The following DNAL4 variants were observed in gnomAD, a reference collection of about 807,000 sequenced individuals.
The protein encoded by DNAL4 is dynein axonemal light chain 4, also known as dynein light chain, outer arm 4.
A neutral mutation model predicts 12.6 loss-of-function variants in DNAL4; 10 were observed. That is an observed-to-expected ratio of 0.79 (90% CI 0.49 to 1.34). The LOEUF is 1.34. DNAL4 is among the 40% of genes most tolerant of loss of function. DNAL4 has a pLI of 0.00. For synonymous variants in DNAL4, 46 were observed against 53.1 expected, an observed-to-expected ratio of 0.87 and a Z score of 0.58; for missense variants, 128 against 138.1, an observed-to-expected ratio of 0.93 and a Z score of 0.37.
intron 1 of DNAL4, among the ~76,000 whole-genome samples, chr22:38,786,212 C>T (rs547728579): frequency 6.6e-6 from 1 of 152,230 alleles, no homozygotes; most frequent in Non-Finnish European, 1.5e-5. Flanking sequence ...GAAGCATGTG[C>T]CTGAACTCTT....
In DNAL4 at chr22:38,782,719, C is replaced by T. The variant is rs762933968; in HGVS notation, c.13G>A (p.Glu5Lys). MGETEGKKDEADYKR... is the reference protein window; with the variant it reads MGETKGKKDEADYKR... Reference sequence around the variant, plus strand: ...TAATCAGCCTCATCTTTCTTCCCTTCTGTTTCTCCCATGATCCTTCCACTG... The same window carrying T: ...TAATCAGCCTCATCTTTCTTCCCTTTTGTTTCTCCCATGATCCTTCCACTG... The change falls in exon 2 of 4, where the codon GAA (glutamate) becomes AAA (lysine). Residue 5 changes from glutamate (E) to lysine (K), a missense_variant. Physicochemically the swap from Glu to Lys is moderately conservative, Grantham distance 56. Coordinates refer to ENST00000216068, the MANE Select transcript of DNAL4 (RefSeq NM_005740.3). The surrounding 1 kb of genome is among the most constrained non-coding windows in gnomAD (Gnocchi z 5.1). The T allele has an allele frequency of 6.2e-7, 1 of 1,613,032 alleles. No individual in the cohort carries two copies. Among genetic ancestry groups the T allele is most frequent in the East Asian group, 2.2e-5 (1 of 44,764 alleles).
intron 2 of DNAL4, among the ~76,000 whole-genome samples, chr22:38,781,654 C>T (rs2093034605): frequency 6.6e-6 from 1 of 152,204 alleles, no homozygotes; most frequent in Non-Finnish European, 1.5e-5. Context: ...TAACTTGATT[C>T]CCACAAACCC....
At chr22:38,781,312 G>A (rs1482977852) in intron 2 of DNAL4, among the ~76,000 whole-genome samples, 1 of 152,274 alleles carries the variant, frequency 6.6e-6, no homozygotes, top group Non-Finnish European at 1.5e-5. Flanking sequence ...GGCTATGGAA[G>A]TGTGTTCCGA....
intron 1 of DNAL4, among the ~76,000 whole-genome samples, chr22:38,783,699 A>G (rs1331774949): frequency 6.6e-6 from 1 of 152,202 alleles, no homozygotes; most frequent in Non-Finnish European, 1.5e-5. Flanking sequence ...AGTCACCAGC[A>G]GTATGGCCCT....
At chr22:38,787,065 C>T (rs953991057) in intron 1 of DNAL4, among the ~76,000 whole-genome samples, 4 of 151,978 alleles carry the variant, frequency 2.6e-5, no homozygotes, top group Admixed American at 6.5e-5. Context: ...GATCACGGCT[C>T]GCCTCCCTGT....
chr22:38,792,343 C>G (rs773057072), intron 1 of DNAL4, among the ~76,000 whole-genome samples: 1 of 150,884 alleles, frequency 6.6e-6, no homozygotes, highest in African/African-American at 2.4e-5. Context: ...AGCGCAATGG[C>G]GCTATCTCGG....
intron 1 of DNAL4, among the ~76,000 whole-genome samples, chr22:38,793,166 T>C (rs923584814): frequency 9.8e-5 from 15 of 152,334 alleles, no homozygotes; most frequent in African/African-American, 3.4e-4. Context: ...TCAATCTCCA[T>C]CTGTCCCCTC....
chr22:38,785,854 G>A (rs1355057965), intron 1 of DNAL4: 2 of 152,218 alleles, frequency 1.3e-5, no homozygotes, highest in East Asian at 1.9e-4. Flanking sequence ...GATTTGAAAC[G>A]TTAAAGCTCT....
In DNAL4 at chr22:38,782,749, C is replaced by A; in HGVS notation, c.-18G>T. On this transcript the variant is annotated 5_prime_UTR_variant, in exon 2 of 4. Transcript: ENST00000216068. This position sits in a 1 kb window ranked among gnomAD's most constrained non-coding sequence, Gnocchi z 5.1. The stretch of plus-strand genomic sequence containing the variant: ...TCTCCCATGATCCTTCCACTGTGAC[C>A]ACTGGAGGAGAGTGGGGCTTTCAGG... The A allele has an allele frequency of 6.2e-7, 1 of 1,607,108 alleles. No individual in the cohort carries two copies. The highest frequency in any genetic ancestry group is 1.7e-4 in the Middle Eastern group (1 of 6,040).
intron 1 of DNAL4, among the ~76,000 whole-genome samples, chr22:38,791,688 A>G (rs957977679): frequency 1.1e-4 from 15 of 139,696 alleles, no homozygotes; most frequent in African/African-American, 3.8e-4. Flanking sequence ...CACTGCGCCC[A>G]GCCTATTTAT....
chr22:38,783,853 C>G (rs1039653947), intron 1 of DNAL4, among the ~76,000 whole-genome samples: 5 of 152,168 alleles, frequency 3.3e-5, no homozygotes, highest in Admixed American at 6.5e-5. Context: ...GTTCCCTAAC[C>G]GACGGGGCTT....
At chr22:38,780,647 G>A in intron 3 of DNAL4, 1 of 444,754 alleles carries the variant, frequency 2.2e-6, no homozygotes, top group Non-Finnish European at 4.1e-6. Context: ...ACGGGGAAAG[G>A]CACCCTATTC....
chr22:38,785,141 C>G (rs1347056168), intron 1 of DNAL4, among the ~76,000 whole-genome samples: 8 of 152,168 alleles, frequency 5.3e-5, no homozygotes, highest in Admixed American at 3.9e-4. Context: ...ATTGTACTTT[C>G]TGGTCAGGTT....
chr22:38,790,889 C>T (rs899701538), intron 1 of DNAL4, among the ~76,000 whole-genome samples: 5 of 152,084 alleles, frequency 3.3e-5, no homozygotes, highest in South Asian at 2.1e-4. Context: ...TACAGTTGGC[C>T]GGGTGCGGTG....
At chr22:38,784,981 C>G (rs920078336) in intron 1 of DNAL4, among the ~76,000 whole-genome samples, 6 of 150,382 alleles carry the variant, frequency 4.0e-5, no homozygotes, top group Admixed American at 1.3e-4. Context: ...ACAGACCCCC[C>G]CCCCCATCCA....
chr22:38,791,159 T>A (rs2093049987), intron 1 of DNAL4, among the ~76,000 whole-genome samples: 1 of 147,468 alleles, frequency 6.8e-6, no homozygotes, highest in Non-Finnish European at 1.5e-5. Context: ...AGAGCGAGTC[T>A]CCACCTCTAG....
At chr22:38,789,980 T>C (rs1456807110) in intron 1 of DNAL4, among the ~76,000 whole-genome samples, 2 of 152,284 alleles carry the variant, frequency 1.3e-5, no homozygotes, top group East Asian at 3.9e-4. Context: ...GGAAAAAGAC[T>C]GGGGTTGGGC....
intron 1 of DNAL4, among the ~76,000 whole-genome samples, chr22:38,792,867 A>G (rs550182050): frequency 1.3e-5 from 2 of 152,210 alleles, no homozygotes; most frequent in East Asian, 1.9e-4. Context: ...AATAACAATA[A>G]AAGTGTAGGA....
intron 3 of DNAL4, 178 bp downstream of exon 3, chr22:38,780,748 C>A: frequency 1.6e-6 from 1 of 623,776 alleles, no homozygotes; most frequent in Non-Finnish European, 2.8e-6. Flanking sequence ...ACCGTCAGTG[C>A]CTGGAGTCAG....
Sources: gnomAD v4.1 joint callset for allele counts (sites outside exome capture counted in the v4.1 genomes callset) on GRCh38, gnomAD v4.1.1 for gene constraint, Gnocchi (gnomAD v3.1) non-coding constraint, MANE v1.5 for transcripts, NCBI Gene and HGNC (gene_info 2026-07-23, HGNC 2026-07-21) for gene names.